AHI1: variants seen among roughly 807,000 people sequenced by gnomAD.
The protein encoded by AHI1 is jouberin.
In AHI1, 123 loss-of-function variants were observed where a neutral mutation model predicts 149.3. The observed-to-expected ratio is 0.82, with a 90% CI of 0.71 to 0.96. AHI1 has a LOEUF of 0.96. AHI1 is among the 40% of genes least tolerant of loss of function. The pLI is 0.00. For missense variants in AHI1, 1,439 were observed against 1,422.7 expected (o/e 1.01, Z -0.18); for synonymous variants, 475 against 459.8 (o/e 1.03, Z -0.42).
chr6:135,453,479 T>C (rs750889468), intron 10 of AHI1, 43 bp from the exon 11 acceptor site: 9 of 1,320,432 alleles, frequency 6.8e-6, no homozygotes, highest in South Asian at 1.3e-5. Flanking sequence ...TAAAATTTAA[T>C]ATTTTCTAAT....
intron 5 of AHI1, among the ~76,000 whole-genome samples, chr6:135,487,326 G>A (rs1474938123): frequency 6.6e-6 from 1 of 152,020 alleles, no homozygotes; most frequent in Non-Finnish European, 1.5e-5. Context: ...AAGAGTAATG[G>A]TTACGTGACT....
intron 9 of AHI1, among the ~76,000 whole-genome samples, chr6:135,456,610 G>C (rs1200544812): frequency 6.6e-6 from 1 of 151,634 alleles, no homozygotes; most frequent in Non-Finnish European, 1.5e-5. Context: ...TAAACCCTTT[G>C]AGTTGTCATA....
intron 24 of AHI1, among the ~76,000 whole-genome samples, chr6:135,324,625 C>CTT (rs1384478558): frequency 6.0e-5 from 9 of 150,960 alleles, no homozygotes; most frequent in Non-Finnish European, 4.4e-5. Context: ...GAAGAGAAAC[C>CTT]TAAGAGTCCC....
chr6:135,354,521 T>C (rs1260062948), intron 24 of AHI1, among the ~76,000 whole-genome samples: 1 of 152,176 alleles, frequency 6.6e-6, no homozygotes, highest in Non-Finnish European at 1.5e-5. Flanking sequence ...CTTATGCTAG[T>C]TGCCATTTCC....
chr6:135,364,698 C>T (rs1457079171), intron 23 of AHI1, among the ~76,000 whole-genome samples: 16 of 152,222 alleles, frequency 1.1e-4, no homozygotes, highest in Non-Finnish European at 1.9e-4. Context: ...GAGACCAGCC[C>T]GGCCAACACA....
At position 135,285,606 on chromosome 6, in the gene AHI1, T is replaced by C; in HGVS notation, c.*39A>G. ...TTCCATTTGGTTTGTCATTTTCACC[T>C]CTGTGCATTTCGGCAGCTCTTAACT... On this transcript the variant is annotated 3_prime_UTR_variant, in exon 29 of 29. Transcript: ENST00000265602. The C allele has an allele frequency of 6.2e-7, 1 of 1,604,056 alleles. No individual in the cohort carries two copies. Among genetic ancestry groups the C allele is most frequent in the South Asian group, 1.1e-5 (1 of 90,046 alleles).
At chr6:135,453,499 T>G in intron 10 of AHI1, 63 bp from the exon 11 acceptor site, 2 of 1,160,670 alleles carry the variant, frequency 1.7e-6, no homozygotes, top group Middle Eastern at 2.0e-4. Flanking sequence ...TGGTACATTA[T>G]TAAAACTTTA....
chr6:135,316,935 T>C (rs1786048773), intron 26 of AHI1, among the ~76,000 whole-genome samples: 1 of 152,214 alleles, frequency 6.6e-6, no homozygotes. Context: ...TCCTTTTCCC[T>C]GTCTTCCCAA....
At chr6:135,377,462 G>GTTAT (rs57058733) in intron 23 of AHI1, among the ~76,000 whole-genome samples, 23,341 of 148,412 alleles carry the variant, frequency 0.16, 1,871 homozygotes, top group South Asian at 0.18. Context: ...CTGGCTTTGA[G>GTTAT]TTATTTATTT....
At chr6:135,496,410 G>A (rs1405358040) in intron 2 of AHI1, among the ~76,000 whole-genome samples, 2 of 152,118 alleles carry the variant, frequency 1.3e-5, no homozygotes, top group Non-Finnish European at 2.9e-5. Context: ...GACCCACTGC[G>A]CTCAGCCATC....
rs1431559116 is a variant in AHI1 at position 135,447,227 on chromosome 6, T to C, written c.1627-67A>G. ...ACCTTTTTCTTTTTCTAGCATATAG[T>C]TTTTAAAATACTGAAACAAATAATA... is the stretch of plus-strand genomic sequence containing the variant. On this transcript the variant is annotated intron_variant, in intron 12 of 28. Coordinates refer to ENST00000265602, the MANE Select transcript of AHI1 (RefSeq NM_001134831.2). The C allele has an allele frequency of 1.2e-5, 13 of 1,085,362 alleles. No individual in the cohort carries two copies. The East Asian group carries it at 3.6e-4, about 30-fold the overall frequency. 67.2% of individuals were successfully genotyped at this position (1,085,362 alleles called of 1,614,324 possible).
intron 25 of AHI1, among the ~76,000 whole-genome samples, chr6:135,321,113 A>G (rs574182381): frequency 9.8e-4 from 149 of 152,238 alleles, no homozygotes; most frequent in Non-Finnish European, 1.8e-3. Context: ...ATGTGTCAAA[A>G]TCAGCTGGGC....
intron 6 of AHI1, 73 bp from the exon 7 acceptor site, chr6:135,466,446 T>A: frequency 7.7e-7 from 1 of 1,302,914 alleles, no homozygotes; most frequent in Non-Finnish European, 1.1e-6. Flanking sequence ...ACCTAATAAT[T>A]AATATTTGAC....
In AHI1 at chr6:135,457,584, C is replaced by CTGACT; in HGVS notation, c.1060_1061insAGTCA (p.Arg354LysfsTer9). The CTGACT allele has an allele frequency of 6.2e-7, 1 of 1,613,936 alleles. No homozygotes were observed. The highest frequency in any genetic ancestry group is 8.5e-7 in the Non-Finnish European group (1 of 1,179,868). On this transcript the variant is annotated frameshift_variant, in exon 9 of 29. Transcript: ENST00000265602. LOFTEE classifies it high-confidence loss of function. ...AGAAATCATAAAATCTGACTTAAGT[C>CTGACT]TATCAGTTCGGTGAATGTAAACTCC...
intron 5 of AHI1, among the ~76,000 whole-genome samples, chr6:135,478,080 C>T (rs1792999685): frequency 1.3e-5 from 2 of 152,138 alleles, no homozygotes; most frequent in South Asian, 4.1e-4. Context: ...GGATTACAGG[C>T]ATGAGCCACA....
intron 13 of AHI1, among the ~76,000 whole-genome samples, chr6:135,446,385 G>A (rs755426941): frequency 6.6e-6 from 1 of 152,206 alleles, no homozygotes; most frequent in Non-Finnish European, 1.5e-5. Flanking sequence ...AAGCCAAGGA[G>A]AAGCCTCAGA....
intron 11 of AHI1, among the ~76,000 whole-genome samples, chr6:135,449,364 T>G (rs908851052): frequency 1.3e-5 from 2 of 152,160 alleles, no homozygotes; most frequent in Non-Finnish European, 2.9e-5. Context: ...ATGGAGATTT[T>G]TATGAGAAAC....
Position 135,364,921 on chromosome 6 carries a change from A to G in AHI1, c.3110-6734T>C, listed in dbSNP as rs1012787814. ...GGGAGACCGTGGGGAGAGGAAGAGG[A>G]AGAGGGAGAGGGAGAGGGAGAGGGA... On this transcript the variant is annotated intron_variant, in intron 23 of 28. Coordinates refer to ENST00000265602, the MANE Select transcript of AHI1 (RefSeq NM_001134831.2). 3.6e-3 allele frequency among the ~76,000 whole-genome samples: 545 copies of G among 151,122 alleles called. 4 individuals carry two copies. Among genetic ancestry groups the G allele is most frequent in the African/African-American group, 0.012 (481 of 40,976 alleles).
At chr6:135,413,210 T>C (rs1443558551) in intron 20 of AHI1, among the ~76,000 whole-genome samples, 2 of 151,870 alleles carry the variant, frequency 1.3e-5, no homozygotes, top group African/African-American at 4.8e-5. Context: ...GTGCCTGTAG[T>C]TTCCAGCTAC....
Sources: allele counts gnomAD v4.1 joint callset (sites outside exome capture counted in the v4.1 genomes callset), GRCh38; gene constraint gnomAD v4.1.1; transcripts MANE v1.5; gene names NCBI Gene and HGNC (gene_info 2026-07-23, HGNC 2026-07-21).